Variants in ZMAT4 observed in about 807,000 individuals in gnomAD.
The protein encoded by ZMAT4 is zinc finger matrin-type protein 4.
ZMAT4 carries 17 observed loss-of-function variants against 28.7 expected under a neutral mutation model. That is an observed-to-expected ratio of 0.59 (90% CI 0.41 to 0.89). The LOEUF (loss-of-function observed/expected upper bound fraction) is 0.89, where lower values mean the gene tolerates loss of function less well. ZMAT4 is among the 40% of genes least tolerant of loss of function. The pLI, the probability that ZMAT4 is intolerant of heterozygous loss-of-function variation, is 0.00. For missense variants in ZMAT4, 240 were observed against 283.8 expected (o/e 0.85, Z 1.11); for synonymous variants, 117 against 109.2 (o/e 1.07, Z -0.44).
intron 1 of ZMAT4, among the ~76,000 whole-genome samples, chr8:40,858,302 A>G (rs1300405668): frequency 6.6e-6 from 1 of 152,150 alleles, no homozygotes; most frequent in Non-Finnish European, 1.5e-5. Context: ...CTTTTATGAA[A>G]CACTCTTTAT....
intron 4 of ZMAT4, among the ~76,000 whole-genome samples, chr8:40,676,701 T>G (rs1387792069): frequency 6.6e-6 from 1 of 152,160 alleles, no homozygotes; most frequent in Non-Finnish European, 1.5e-5. Context: ...ATCCAGAGAT[T>G]TCATTATATC....
chr8:40,646,675 C>A (rs2118790903), intron 5 of ZMAT4, among the ~76,000 whole-genome samples: 1 of 152,104 alleles, frequency 6.6e-6, no homozygotes, highest in Non-Finnish European at 1.5e-5. Context: ...CATATATGTA[C>A]CTAAGAATAG....
chr8:40,866,297 A>T (rs1300371297), intron 1 of ZMAT4, among the ~76,000 whole-genome samples: 1 of 152,222 alleles, frequency 6.6e-6, no homozygotes, highest in African/African-American at 2.4e-5. Flanking sequence ...TTCTGCACAC[A>T]ATGCTGGTGC....
At chr8:40,782,403 AAAC>A (rs755310604) in intron 2 of ZMAT4, among the ~76,000 whole-genome samples, 5 of 152,162 alleles carry the variant, frequency 3.3e-5, no homozygotes, top group African/African-American at 4.8e-5. Flanking sequence ...GCAAACAAAC[AAAC>A]AAACAAACAA....
rs542157156 is a variant in ZMAT4 at position 40,694,230 on chromosome 8, G to A, written c.349+3015C>T. ...AGGCAGTAAGGGAGGATGGCCATCC[G>A]GACTCCATTCAGGGAGCTGTACTTG... On this transcript the variant is annotated intron_variant, in intron 4 of 6. Coordinates refer to ENST00000297737, the MANE Select transcript of ZMAT4 (RefSeq NM_024645.3). 1.4e-4 allele frequency among the ~76,000 whole-genome samples: 21 copies of A among 152,256 alleles called. No individual in the cohort carries two copies. The South Asian group carries it at 2.5e-3, about 18-fold the overall frequency.
chr8:40,580,080 T>G (rs995924770), intron 6 of ZMAT4, among the ~76,000 whole-genome samples: 1 of 150,300 alleles, frequency 6.7e-6, no homozygotes, highest in Non-Finnish European at 1.5e-5. Flanking sequence ...TGGCCTGATC[T>G]TGGTTCACTG....
At chr8:40,772,103 C>T (rs1813411568) in intron 2 of ZMAT4, among the ~76,000 whole-genome samples, 1 of 152,148 alleles carries the variant, frequency 6.6e-6, no homozygotes, top group African/African-American at 2.4e-5. Context: ...GAGTCAATCC[C>T]AGGCTCTTTT....
intron 2 of ZMAT4, among the ~76,000 whole-genome samples, chr8:40,816,445 C>T (rs1289535636): frequency 1.3e-5 from 2 of 152,072 alleles, no homozygotes; most frequent in African/African-American, 4.8e-5. Flanking sequence ...AATTAGCCTG[C>T]CTTGTCTAAC....
chr8:40,685,089 T>TCA (rs1329511982), intron 4 of ZMAT4, among the ~76,000 whole-genome samples: 3 of 151,670 alleles, frequency 2.0e-5, no homozygotes, highest in Non-Finnish European at 4.4e-5. Context: ...GAATTTAATC[T>TCA]AGAAATAAAG....
chr8:40,885,213 A>G lies in ZMAT4; in HGVS notation c.-5+12470T>C, dbSNP rs1026023233. 2.0e-5 allele frequency among the ~76,000 whole-genome samples: 3 copies of G among 151,890 alleles called. No homozygotes were observed. In the East Asian group the frequency reaches 5.8e-4, roughly 29 times the overall value. ...GTTTCCTCCCTCTCTACTCCTCACA[A>G]TTTCTAATTTGCTCCTTCTACAGTC... On this transcript the variant is annotated intron_variant, in intron 1 of 6. Coordinates refer to ENST00000297737, the MANE Select transcript of ZMAT4 (RefSeq NM_024645.3).
At chr8:40,751,161 T>C (rs570656570) in intron 3 of ZMAT4, among the ~76,000 whole-genome samples, 1 of 152,300 alleles carries the variant, frequency 6.6e-6, no homozygotes, top group East Asian at 1.9e-4. Flanking sequence ...GGGAAGGACA[T>C]TGACCTCTGC....
At chr8:40,813,630 G>A (rs1464066695) in intron 2 of ZMAT4, among the ~76,000 whole-genome samples, 4 of 152,270 alleles carry the variant, frequency 2.6e-5, no homozygotes, top group Admixed American at 6.5e-5. Context: ...GGTTATACAC[G>A]GGAGCTGGCT....
intron 5 of ZMAT4, among the ~76,000 whole-genome samples, chr8:40,670,743 A>G (rs1353886766): frequency 6.6e-6 from 1 of 152,126 alleles, no homozygotes; most frequent in Non-Finnish European, 1.5e-5. Context: ...TTCACAAAGG[A>G]AGATACACAA....
intron 3 of ZMAT4, among the ~76,000 whole-genome samples, chr8:40,710,619 G>T (rs1810567388): frequency 6.6e-6 from 1 of 150,494 alleles, no homozygotes. Context: ...CTTTTGTGGG[G>T]GGAAAAAAAA....
At chr8:40,850,891 G>C (rs917703502) in intron 1 of ZMAT4, among the ~76,000 whole-genome samples, 1 of 151,988 alleles carries the variant, frequency 6.6e-6, no homozygotes, top group African/African-American at 2.4e-5. Flanking sequence ...ATTTCAAAAG[G>C]GCTTTTGTCT....
chr8:40,890,767 T>C lies in ZMAT4; in HGVS notation c.-5+6916A>G, dbSNP rs1444137605. On this transcript the variant is annotated intron_variant, in intron 1 of 6. Coordinates refer to ENST00000297737, the MANE Select transcript of ZMAT4 (RefSeq NM_024645.3). ...CCCCTTGCCCCCAAAACATGCCTCG[T>C]ATGGGCAGATTCAGCAACATCCACA... Among the ~76,000 whole-genome samples the C allele has an allele frequency of 2.0e-5, 3 of 152,034 alleles. No individual in the cohort carries two copies. In the East Asian group the frequency reaches 5.8e-4, roughly 29 times the overall value.
chr8:40,672,173 T>A (rs1808701376), intron 5 of ZMAT4, among the ~76,000 whole-genome samples: 1 of 152,230 alleles, frequency 6.6e-6, no homozygotes, highest in African/African-American at 2.4e-5. Context: ...AAGCCTACCA[T>A]CCTATTATAT....
intron 3 of ZMAT4, among the ~76,000 whole-genome samples, chr8:40,732,817 G>A (rs1331715356): frequency 6.6e-6 from 1 of 150,772 alleles, no homozygotes; most frequent in African/African-American, 2.4e-5. Flanking sequence ...TGGCAGACCT[G>A]GGCTGAGCAA....
chr8:40,670,752 A>T (rs1411332774), intron 5 of ZMAT4, among the ~76,000 whole-genome samples: 1 of 152,218 alleles, frequency 6.6e-6, no homozygotes, highest in East Asian at 1.9e-4. Flanking sequence ...GAAGATACAC[A>T]AATGACCAAT....
Sources: gnomAD v4.1 joint callset for allele counts (sites outside exome capture counted in the v4.1 genomes callset) on GRCh38, gnomAD v4.1.1 for gene constraint, MANE v1.5 for transcripts, NCBI Gene and HGNC (gene_info 2026-07-23, HGNC 2026-07-21) for gene names.